CACNB1: variants seen among roughly 807,000 people sequenced by gnomAD.
The protein encoded by CACNB1 is calcium voltage-gated channel auxiliary subunit beta 1.
In CACNB1, 29 loss-of-function variants were observed where a neutral mutation model predicts 71.6. That is an observed-to-expected ratio of 0.40 (90% confidence interval 0.30 to 0.55). The LOEUF (loss-of-function observed/expected upper bound fraction) is 0.55. Ranked by LOEUF, CACNB1 falls within the 20% of genes least tolerant of loss-of-function variation. The probability of loss-of-function intolerance (pLI) is 0.38; values close to 1 mark genes in which losing one functional copy is unlikely to be tolerated. For missense variants in CACNB1, 623 were observed against 801.8 expected (o/e 0.78, Z 2.69); for synonymous variants, 300 against 319.6 (o/e 0.94, Z 0.65).
At chr17:39,182,700 AAAATAAAT>A (rs59927625) in intron 11 of CACNB1, among the ~76,000 whole-genome samples, 17,850 of 140,152 alleles carry the variant, frequency 0.13, 1,804 homozygotes, top group African/African-American at 0.28. Flanking sequence ...GACTCTGTCT[AAAATAAAT>A]AAATAAATAA....
chr17:39,183,623 C>A lies in CACNB1; in HGVS notation c.1050+90G>T, dbSNP rs1340166316. On this transcript the variant is annotated intron_variant, in intron 11 of 13. Coordinates refer to ENST00000394303, the MANE Select transcript of CACNB1 (RefSeq NM_000723.5). Reference sequence around the variant, plus strand: ...ACTAAGACTCAGGCAGATTAATTCACGTAATTAGTAAGCAGTGGAGCTGGG... The same window carrying A: ...ACTAAGACTCAGGCAGATTAATTCAAGTAATTAGTAAGCAGTGGAGCTGGG... 3.9e-6 allele frequency: 4 copies of A among 1,038,578 alleles called. No individual in the cohort carries two copies. The Admixed American group carries it at 8.5e-5, about 22-fold the overall frequency. 64.3% of individuals were successfully genotyped at this position (1,038,578 alleles called of 1,614,324 possible). A position where few individuals can be genotyped will look rare whatever the true frequency, so the allele number is the denominator to read the frequency against.
intron 8 of CACNB1, 65 bp downstream of exon 8, chr17:39,184,719 T>C (rs1200412070): frequency 2.6e-6 from 3 of 1,147,904 alleles, no homozygotes; most frequent in Non-Finnish European, 2.6e-6. Context: ...TTCTAGGGGA[T>C]CTCTCTGGGG....
chr17:39,184,699 G>T, intron 8 of CACNB1, 85 bp downstream of exon 8: 3 of 981,566 alleles, frequency 3.1e-6, no homozygotes, highest in Non-Finnish European at 4.9e-6. Context: ...GATGCCTTGG[G>T]ATCGGGCCCT....
chr17:39,184,219 C>G (rs931063773), intron 9 of CACNB1, 79 bp from the exon 10 acceptor site: 24 of 1,297,998 alleles, frequency 1.8e-5, no homozygotes, highest in Non-Finnish European at 2.7e-5. Context: ...CCAGGCCCGC[C>G]TTCTGTTCCT....
At position 39,184,092 on chromosome 17, in the gene CACNB1, T is replaced by C. The variant is rs760477594; in HGVS notation, c.837A>G (p.Ser279=). 1.2e-6 allele frequency: 2 copies of C among 1,613,680 alleles called. No individual in the cohort carries two copies. The highest frequency in any genetic ancestry group is 3.3e-5 in the Admixed American group (2 of 59,998). Residue 279 remains serine, a synonymous_variant, in exon 10 of 14, where the codon TCA becomes TCG. Transcript: ENST00000394303. ...TGTGTTTGCTGGGGTTGTTGAGAACTGAGCGCTTAGCCAGGGAAATATCTG... is the reference window on the plus strand; with the variant it reads ...TGTGTTTGCTGGGGTTGTTGAGAACCGAGCGCTTAGCCAGGGAAATATCTG... ...VTADISLAKR[S]VLNNPSKHII... is the part of the protein sequence containing the mutation.
Position 39,174,188 on chromosome 17 carries a change from A to G in CACNB1, c.*1005T>C, listed in dbSNP as rs2045522586. The G allele has an allele frequency of 6.5e-6, 1 of 153,128 alleles. No individual in the cohort carries two copies. Among genetic ancestry groups the G allele is most frequent in the Non-Finnish European group, 1.5e-5 (1 of 68,430 alleles). The allele number at this position is 153,128 out of a possible 1,614,324, so 9.5% of individuals were successfully genotyped here. A position where few individuals can be genotyped will look rare whatever the true frequency, so the allele number is the denominator to read the frequency against. On this transcript the variant is annotated 3_prime_UTR_variant, in exon 14 of 14. Transcript: ENST00000394303. ...AAGGCCTCTCCTGGGGGAAGTGAAC[A>G]TGGGTAACAAACAGAATCACGAGAG... is the stretch of plus-strand genomic sequence containing the variant.
intron 11 of CACNB1, among the ~76,000 whole-genome samples, chr17:39,181,093 TA>T (rs2045746087): frequency 6.6e-6 from 1 of 152,106 alleles, no homozygotes; most frequent in Non-Finnish European, 1.5e-5. Context: ...TATTTTTATT[TA>T]TTTATTTATT....
chr17:39,186,537 T>A lies in CACNB1; in HGVS notation c.587A>T (p.Asp196Val). 6.2e-7 allele frequency: 1 copy of A among 1,613,682 alleles called. No homozygotes were observed. The highest frequency in any genetic ancestry group is 8.5e-7 in the Non-Finnish European group (1 of 1,179,810). The change falls in exon 6 of 14, where the codon GAT (aspartate) becomes GTT (valine). Residue 196 changes from aspartate (D) to valine (V), a missense_variant. Transcript: ENST00000394303. This position sits in a 1 kb window ranked among gnomAD's most constrained non-coding sequence, Gnocchi z 4.1. ...SGDNSSSSLGDVVTGTRRPTP... is the reference protein window; with the variant it reads ...SGDNSSSSLGVVVTGTRRPTP... ...GGGGCGGCGGGTGCCAGTCACCACATCTCCCAGACTGGAACTGGAGTTATC... is the reference window on the plus strand; with the variant it reads ...GGGGCGGCGGGTGCCAGTCACCACAACTCCCAGACTGGAACTGGAGTTATC...
chr17:39,180,445 G>A (rs1186231760), intron 11 of CACNB1, among the ~76,000 whole-genome samples: 1 of 149,992 alleles, frequency 6.7e-6, no homozygotes, highest in Non-Finnish European at 1.5e-5. Flanking sequence ...TTTTGAGGTC[G>A]GGAGTTCGAG....
chr17:39,194,970 C>T lies in CACNB1; in HGVS notation c.85G>A (p.Gly29Ser). The change falls in exon 2 of 14, where the codon GGC becomes AGC. Residue 29 changes from glycine to serine, a missense_variant and splice_region_variant. Gly to Ser is a moderately conservative substitution (Grantham distance 56). Coordinates refer to ENST00000394303, the MANE Select transcript of CACNB1 (RefSeq NM_000723.5). This position sits in a 1 kb window ranked among gnomAD's most constrained non-coding sequence, Gnocchi z 4.6. ...PMEVFDPSPQ[G>S]KYSKRKGRFK... The stretch of plus-strand genomic sequence containing the variant: ...CGCCCTTTCCTCTTGCTGTATTTGC[C>T]CTGAAGAGGCCAGGAAAGGAACAAG... 2.5e-6 allele frequency: 4 copies of T among 1,606,940 alleles called. No individual in the cohort carries two copies. The highest frequency in any genetic ancestry group is 3.4e-6 in the Non-Finnish European group (4 of 1,174,610).
intron 11 of CACNB1, among the ~76,000 whole-genome samples, chr17:39,180,704 A>C (rs900969606): frequency 6.6e-6 from 1 of 152,100 alleles, no homozygotes; most frequent in Non-Finnish European, 1.5e-5. Context: ...ATGTTTCAAA[A>C]TTTGTGAATC....
At chr17:39,178,386 T>A (rs867832995) in intron 11 of CACNB1, 1 of 159,408 alleles carries the variant, frequency 6.3e-6, no homozygotes, top group Non-Finnish European at 1.3e-5. Flanking sequence ...TTTTTTTTTG[T>A]TTTTTTTTTT....
rs755007872 is a variant in CACNB1, at chr17:39,183,739, C to T, written c.1024G>A (p.Val342Ile). Residue 342 changes from valine (V) to isoleucine (I), a missense_variant, in exon 11 of 14, where the codon GTT (valine) becomes ATT (isoleucine). By Grantham distance (29) the Val-to-Ile change is conservative (BLOSUM62 3). Coordinates refer to ENST00000394303, the MANE Select transcript of CACNB1 (RefSeq NM_000723.5). ...TTGGGAGAGGTGATCTTGATGTAAA[C>T]AATGATGGGGGCCAGCGAGGTCTTG... ...LSKTSLAPII[V>I]YIKITSPKVL... 6.2e-7 allele frequency: 1 copy of T among 1,610,264 alleles called. No individual in the cohort carries two copies. The highest frequency in any genetic ancestry group is 8.5e-7 in the Non-Finnish European group (1 of 1,178,210).
At position 39,186,516 on chromosome 17, in the gene CACNB1, C is replaced by T. The variant is rs1417287346; in HGVS notation, c.608G>A (p.Arg203His). ...CTTACCACTGGCAGGGGGTGTGGGG[C>T]GGCGGGTGCCAGTCACCACATCTCC... ...SLGDVVTGTRRPTPPASAKQK... is the reference protein window; with the variant it reads ...SLGDVVTGTRHPTPPASAKQK... Residue 203 changes from arginine (R) to histidine (H), a missense_variant, in exon 6 of 14, where the codon CGC becomes CAC. Physicochemically the swap from Arg to His is conservative, Grantham distance 29. Transcript: ENST00000394303. This position sits in a 1 kb window ranked among gnomAD's most constrained non-coding sequence, Gnocchi z 4.1. The T allele has an allele frequency of 3.1e-6, 5 of 1,612,918 alleles. No homozygotes were observed. Among genetic ancestry groups the T allele is most frequent in the East Asian group, 2.2e-5 (1 of 44,866 alleles).
chr17:39,176,236 G>A (rs561480918), intron 13 of CACNB1, among the ~76,000 whole-genome samples: 115 of 152,276 alleles, frequency 7.6e-4, no homozygotes, highest in Non-Finnish European at 1.5e-3. Context: ...GCAGCAAGCT[G>A]GGGAAGGCTG....
chr17:39,194,903 G>C lies in CACNB1; in HGVS notation c.152C>G (p.Ser51Cys). 1 of 1,612,590 alleles carries C rather than the reference G, an allele frequency of 6.2e-7. No homozygotes were observed. The highest frequency in any genetic ancestry group is 8.5e-7 in the Non-Finnish European group (1 of 1,178,844). Residue 51 changes from serine to cysteine, a missense_variant, in exon 2 of 14, where the codon TCC becomes TGC. Coordinates refer to ENST00000394303, the MANE Select transcript of CACNB1 (RefSeq NM_000723.5). This position sits in a 1 kb window ranked among gnomAD's most constrained non-coding sequence, Gnocchi z 4.6. ...CATTACCTGGCGGACAAAGCTGTTGGATGTGGTATCCGAGGACGTGCTCCC... is the reference window on the plus strand; with the variant it reads ...CATTACCTGGCGGACAAAGCTGTTGCATGTGGTATCCGAGGACGTGCTCCC... ...SDGSTSSDTT[S>C]NSFVRQGSAE...
chr17:39,190,334 C>T (rs1490825488), intron 3 of CACNB1, among the ~76,000 whole-genome samples: 2 of 152,088 alleles, frequency 1.3e-5, no homozygotes, highest in Non-Finnish European at 2.9e-5. Flanking sequence ...GATGGGAGGT[C>T]AAGGCTCCAG....
At chr17:39,187,349 G>T in intron 4 of CACNB1, 130 bp downstream of exon 4, 1 of 1,009,762 alleles carries the variant, frequency 9.9e-7, no homozygotes, top group Non-Finnish European at 1.5e-6. Context: ...TCAGAGAGGT[G>T]GAGAGATTTG....
At chr17:39,188,846 C>T (rs964243018) in intron 3 of CACNB1, among the ~76,000 whole-genome samples, 2 of 151,886 alleles carry the variant, frequency 1.3e-5, no homozygotes, top group Non-Finnish European at 2.9e-5. Context: ...AGTTCGAGAC[C>T]AGCCATGACT....
Sources: gnomAD v4.1 joint callset for allele counts (sites outside exome capture counted in the v4.1 genomes callset) on GRCh38, gnomAD v4.1.1 for gene constraint, Gnocchi (gnomAD v3.1) non-coding constraint, MANE v1.5 for transcripts, NCBI Gene and HGNC (gene_info 2026-07-23, HGNC 2026-07-21) for gene names.